Variants in TMEM178B observed in about 807,000 individuals in gnomAD.
TMEM178B encodes transmembrane protein 178B.
Under a neutral mutation model 31.0 loss-of-function variants are expected in TMEM178B, and 5 were observed. That is an observed-to-expected ratio of 0.16 (90% CI 0.08 to 0.34). TMEM178B has a LOEUF of 0.34. Ranked by LOEUF, TMEM178B falls within the 10% of genes least tolerant of loss-of-function variation. TMEM178B has a pLI of 1.00. For synonymous variants in TMEM178B, 164 were observed against 164.0 expected (o/e 1.00, Z 0.00); for missense variants, 275 against 400.3 (o/e 0.69, Z 2.67).
intron 1 of TMEM178B, among the ~76,000 whole-genome samples, chr7:141,085,552 T>C (rs960976012): frequency 4.6e-5 from 7 of 152,144 alleles, no homozygotes; most frequent in Non-Finnish European, 7.3e-5. Context: ...TTTATATCAT[T>C]TCCTGCTTTT....
chr7:141,232,758 T>C (rs1186786471), intron 2 of TMEM178B, among the ~76,000 whole-genome samples: 2 of 152,190 alleles, frequency 1.3e-5, no homozygotes, highest in East Asian at 3.9e-4. Context: ...TCCATGGTGT[T>C]CATGGATCTC....
At chr7:141,274,407 A>T (rs938643380) in intron 2 of TMEM178B, among the ~76,000 whole-genome samples, 8 of 152,214 alleles carry the variant, frequency 5.3e-5, no homozygotes, top group African/African-American at 1.9e-4. Context: ...TCGTCTATCC[A>T]ACAACTCACT....
intron 1 of TMEM178B, among the ~76,000 whole-genome samples, chr7:141,154,805 C>G (rs1288552973): frequency 6.6e-6 from 1 of 151,772 alleles, no homozygotes; most frequent in African/African-American, 2.4e-5. Context: ...TCTTGGCCCA[C>G]TGCAACCTCC....
chr7:141,242,215 A>G (rs202101691), intron 2 of TMEM178B, among the ~76,000 whole-genome samples: 3 of 56,686 alleles, frequency 5.3e-5, no homozygotes, highest in Non-Finnish European at 1.1e-4. Flanking sequence ...GTCCTACCAA[A>G]CAAAGTTGTG....
At chr7:141,356,022 T>A (rs1345348598) in intron 2 of TMEM178B, among the ~76,000 whole-genome samples, 2 of 152,234 alleles carry the variant, frequency 1.3e-5, no homozygotes, top group Non-Finnish European at 2.9e-5. Flanking sequence ...GCTGCAACCA[T>A]GTTGCTACAA....
In TMEM178B at chr7:141,087,963, G is replaced by A. The variant is rs577109681; in HGVS notation, c.382+13271G>A. The stretch of plus-strand genomic sequence containing the variant: ...TCCAAGGGATTTCAGGGGTGTTGAA[G>A]CAGAATAACTTCAGTGCTCATGTTT... On this transcript the variant is annotated intron_variant, in intron 1 of 3. Coordinates refer to ENST00000565468, the MANE Select transcript of TMEM178B (RefSeq NM_001195278.2). 2.3e-4 allele frequency among the ~76,000 whole-genome samples: 35 copies of A among 152,286 alleles called. No individual in the cohort carries two copies. The South Asian group carries it at 2.5e-3, about 11-fold the overall frequency.
chr7:141,078,887 C>T (rs1209372068), intron 1 of TMEM178B, among the ~76,000 whole-genome samples: 1 of 152,108 alleles, frequency 6.6e-6, no homozygotes, highest in African/African-American at 2.4e-5. Flanking sequence ...TGGAGAGCAG[C>T]CATGGACCAA....
At chr7:141,484,282 A>C (rs1486093548), downstream of TMEM178B, among the ~76,000 whole-genome samples, 4 of 152,174 alleles carry the variant, frequency 2.6e-5, no homozygotes, top group Non-Finnish European at 2.9e-5. This position sits in a 1 kb window ranked among gnomAD's most constrained non-coding sequence, Gnocchi z 4.8. Flanking sequence ...GATTGAAAAT[A>C]CTCATTCCCT....
chr7:141,125,725 C>A (rs1160175316), intron 1 of TMEM178B, among the ~76,000 whole-genome samples: 1 of 151,464 alleles, frequency 6.6e-6, no homozygotes, highest in African/African-American at 2.4e-5. Flanking sequence ...GAAGTGAAGT[C>A]CAGTGCCACA....
intron 2 of TMEM178B, among the ~76,000 whole-genome samples, chr7:141,301,437 A>T (rs924174011): frequency 5.9e-5 from 9 of 152,056 alleles, no homozygotes; most frequent in African/African-American, 2.2e-4. Flanking sequence ...TTTATGTTCT[A>T]CTGCTGGGTG....
intron 1 of TMEM178B, among the ~76,000 whole-genome samples, chr7:141,077,715 G>A (rs1157194288): frequency 6.6e-6 from 1 of 152,162 alleles, no homozygotes; most frequent in East Asian, 1.9e-4. Flanking sequence ...TACAAATTAG[G>A]TTCACAGAAA....
chr7:141,081,583 C>G (rs1272747949), intron 1 of TMEM178B, among the ~76,000 whole-genome samples: 2 of 151,384 alleles, frequency 1.3e-5, no homozygotes, highest in Non-Finnish European at 2.9e-5. Flanking sequence ...TTGTAGTGAG[C>G]TGAGATTGCA....
chr7:141,256,721 G>A (rs1018848647), intron 2 of TMEM178B, among the ~76,000 whole-genome samples: 5 of 152,144 alleles, frequency 3.3e-5, no homozygotes, highest in Non-Finnish European at 7.4e-5. Flanking sequence ...GGACCAGTTG[G>A]GAGGATATTG....
intron 3 of TMEM178B, among the ~76,000 whole-genome samples, chr7:141,438,561 G>A (rs1311138439): frequency 6.6e-6 from 1 of 151,532 alleles, no homozygotes; most frequent in Non-Finnish European, 1.5e-5. Context: ...AGGGGGATTG[G>A]GGCCTGGACA....
At chr7:141,145,175 C>G (rs1199983849) in intron 1 of TMEM178B, among the ~76,000 whole-genome samples, 2 of 152,170 alleles carry the variant, frequency 1.3e-5, no homozygotes, top group African/African-American at 4.8e-5. Context: ...CCCTCGGTTG[C>G]CCCTTGGCTC....
At position 141,479,595 on chromosome 7, in the gene TMEM178B, C is replaced by A. The variant is rs1030291128; in HGVS notation, c.*8809C>A. Reference sequence around the variant, plus strand: ...CCTGGGTATTCTCAAAGCATTTCAACGGTCAGTATAACAAGGTTTGATTGA... The same window carrying A: ...CCTGGGTATTCTCAAAGCATTTCAAAGGTCAGTATAACAAGGTTTGATTGA... On this transcript the variant is annotated 3_prime_UTR_variant, in exon 4 of 4. Coordinates refer to ENST00000565468, the MANE Select transcript of TMEM178B (RefSeq NM_001195278.2). 1 of 152,166 alleles carries A rather than the reference C, an allele frequency of 6.6e-6. No individual in the cohort carries two copies. Among genetic ancestry groups the A allele is most frequent in the Non-Finnish European group, 1.5e-5 (1 of 68,026 alleles). 9.4% of individuals were successfully genotyped at this position (152,166 alleles called of 1,614,324 possible).
At chr7:141,345,542 T>A (rs575725848) in intron 2 of TMEM178B, among the ~76,000 whole-genome samples, 1 of 152,340 alleles carries the variant, frequency 6.6e-6, no homozygotes, top group South Asian at 2.1e-4. Context: ...GCAAGCTGTG[T>A]TGTGTGCCTC....
intron 2 of TMEM178B, among the ~76,000 whole-genome samples, chr7:141,395,814 G>C (rs927368767): frequency 2.6e-5 from 4 of 152,140 alleles, no homozygotes; most frequent in Admixed American, 6.5e-5. Context: ...GTTGGAACCA[G>C]AGAGCTATAA....
intron 1 of TMEM178B, among the ~76,000 whole-genome samples, chr7:141,147,501 A>G (rs879690432): frequency 6.6e-6 from 1 of 152,228 alleles, no homozygotes; most frequent in Admixed American, 6.5e-5. Flanking sequence ...CAGGAGTTCA[A>G]GGATGGAGGC....
Sources: gnomAD v4.1 joint callset for allele counts (sites outside exome capture counted in the v4.1 genomes callset) on GRCh38, gnomAD v4.1.1 for gene constraint, Gnocchi (gnomAD v3.1) non-coding constraint, MANE v1.5 for transcripts, NCBI Gene and HGNC (gene_info 2026-07-23, HGNC 2026-07-21) for gene names.